Variants in MTF2 observed in about 807,000 individuals in gnomAD.
The protein encoded by MTF2 is metal response element binding transcription factor 2, also known as metal-response element-binding transcription factor 2.
MTF2 carries 11 observed loss-of-function variants against 79.5 expected under a neutral mutation model. That is an observed-to-expected ratio of 0.14 (90% CI 0.09 to 0.23). The LOEUF (loss-of-function observed/expected upper bound fraction) is 0.23. Among genes scored for constraint, MTF2 ranks in the 10% least tolerant of loss-of-function variants. The pLI is 1.00. For missense variants in MTF2, 486 were observed against 711.2 expected, an observed-to-expected ratio of 0.68 and a Z score of 3.60; for synonymous variants, 208 against 232.8, an observed-to-expected ratio of 0.89 and a Z score of 0.97.
Position 93,079,290 on chromosome 1 carries a change from G to T in MTF2, c.-237G>T. 1 of 552,666 alleles carries T rather than the reference G, an allele frequency of 1.8e-6. No individual in the cohort carries two copies. Among genetic ancestry groups the T allele is most frequent in the Non-Finnish European group, 3.2e-6 (1 of 309,844 alleles). The allele number at this position is 552,666 out of a possible 1,614,324, so 34.2% of individuals were successfully genotyped here. ...CTCCCAGAATGCACCGGCAGTCCGC[G>T]GGAAACCAAAATGGCGAGGGGCTGT... On this transcript the variant is annotated 5_prime_UTR_variant, in exon 1 of 15. Coordinates refer to ENST00000370298, the MANE Select transcript of MTF2 (RefSeq NM_007358.4).
At position 93,138,779 on chromosome 1, in the gene MTF2, G is replaced by A. The variant is rs1168649167; in HGVS notation, c.*1752G>A. 2 of 152,056 alleles carry A rather than the reference G, an allele frequency of 1.3e-5. No homozygotes were observed. The highest frequency in any genetic ancestry group is 2.9e-5 in the Non-Finnish European group (2 of 67,978). The allele number at this position is 152,056 out of a possible 1,614,324, so 9.4% of individuals were successfully genotyped here. On this transcript the variant is annotated 3_prime_UTR_variant, in exon 15 of 15. Transcript: ENST00000370298. ...TTTTGAATGTTTGTTTATATCTAGG[G>A]GTAATGAAAAATGTAAATCCCGTGT...
intron 1 of MTF2, among the ~76,000 whole-genome samples, chr1:93,092,492 G>T (rs754416709): frequency 5.9e-5 from 9 of 152,000 alleles, no homozygotes; most frequent in Admixed American, 2.0e-4. Context: ...TGTTCCCTCC[G>T]CCCCTTCCCA....
In MTF2 at chr1:93,134,394, G is replaced by A. The variant is rs1337457270; in HGVS notation, c.1424+199G>A. The stretch of plus-strand genomic sequence containing the variant: ...TATTTTTGCTTTCTAGAGTACAAAT[G>A]TATTTTTCATGTTTGTGTGGAAATT... On this transcript the variant is annotated intron_variant, in intron 14 of 14. Coordinates refer to ENST00000370298, the MANE Select transcript of MTF2 (RefSeq NM_007358.4). 1.1e-5 allele frequency: 6 copies of A among 528,484 alleles called. No individual in the cohort carries two copies. In the East Asian group the frequency reaches 1.3e-4, roughly 11 times the overall value. The allele number at this position is 528,484 out of a possible 1,614,324, so 32.7% of individuals were successfully genotyped here.
intron 10 of MTF2, chr1:93,128,684 A>T (rs570587957): frequency 1.3e-5 from 2 of 151,776 alleles, no homozygotes; most frequent in African/African-American, 4.8e-5. Context: ...GACCATAGAG[A>T]CTAAAAGAAA....
intron 1 of MTF2, among the ~76,000 whole-genome samples, chr1:93,089,848 C>CT (rs1654996847): frequency 3.3e-5 from 2 of 60,820 alleles, no homozygotes; most frequent in South Asian, 9.5e-4. Flanking sequence ...GCTTGATTTT[C>CT]CTTTTTTTTT....
intron 1 of MTF2, among the ~76,000 whole-genome samples, chr1:93,090,509 A>C (rs1655032885): frequency 6.6e-6 from 1 of 151,700 alleles, no homozygotes; most frequent in Admixed American, 6.6e-5. Context: ...TGGCCTCCCA[A>C]AGTGCTGGGA....
chr1:93,099,721 A>T (rs1363527502), intron 1 of MTF2, among the ~76,000 whole-genome samples: 1 of 152,210 alleles, frequency 6.6e-6, no homozygotes, highest in Non-Finnish European at 1.5e-5. Context: ...TTCCAAGATG[A>T]CAAGAGCAAG....
At chr1:93,121,787 A>C in intron 9 of MTF2, 1 of 804,854 alleles carries the variant, frequency 1.2e-6, no homozygotes, top group Non-Finnish European at 1.5e-6. Flanking sequence ...TGATGTGTAC[A>C]TTTGATTTTT....
At chr1:93,088,678 G>A (rs922074851) in intron 1 of MTF2, among the ~76,000 whole-genome samples, 5 of 152,080 alleles carry the variant, frequency 3.3e-5, no homozygotes, top group African/African-American at 1.2e-4. Context: ...CAATTCTCAT[G>A]CTTCAGCCAC....
At chr1:93,132,502 G>A (rs990908524) in intron 11 of MTF2, among the ~76,000 whole-genome samples, 3 of 152,146 alleles carry the variant, frequency 2.0e-5, no homozygotes, top group Admixed American at 6.5e-5. Flanking sequence ...TTGTGTATAA[G>A]TTGTTCCTTT....
intron 1 of MTF2, among the ~76,000 whole-genome samples, chr1:93,105,906 C>G (rs1461665981): frequency 6.6e-6 from 1 of 152,146 alleles, no homozygotes; most frequent in Non-Finnish European, 1.5e-5. Flanking sequence ...AAACTCCTGA[C>G]CTCGTGATCT....
intron 11 of MTF2, among the ~76,000 whole-genome samples, chr1:93,133,225 C>A (rs898414676): frequency 2.0e-5 from 3 of 152,038 alleles, no homozygotes; most frequent in African/African-American, 7.2e-5. Context: ...TAAAGGCAGC[C>A]TTTATGACTA....
At chr1:93,091,557 T>A (rs774634370) in intron 1 of MTF2, among the ~76,000 whole-genome samples, 1 of 152,166 alleles carries the variant, frequency 6.6e-6, no homozygotes, top group South Asian at 2.1e-4. Flanking sequence ...ATACTTACCT[T>A]TCATGAACCA....
At position 93,087,390 on chromosome 1, in the gene MTF2, G is replaced by A. The variant is rs557971972; in HGVS notation, c.5+7859G>A. Among the ~76,000 whole-genome samples, 55 of 152,238 alleles carry A rather than the reference G, an allele frequency of 3.6e-4. 1 individual carries two copies. The East Asian group carries it at 0.011, about 29-fold the overall frequency. On this transcript the variant is annotated intron_variant, in intron 1 of 14. Coordinates refer to ENST00000370298, the MANE Select transcript of MTF2 (RefSeq NM_007358.4). Reference sequence around the variant, plus strand: ...AGTTCAAAACCAGCGTGACCAACACGGTAAAACCCCATCTCTACTAAAAAT... The same window carrying A: ...AGTTCAAAACCAGCGTGACCAACACAGTAAAACCCCATCTCTACTAAAAAT...
At position 93,134,165 on chromosome 1, in the gene MTF2, C is replaced by T; in HGVS notation, c.1394C>T (p.Thr465Ile). 1 of 1,612,346 alleles carries T rather than the reference C, an allele frequency of 6.2e-7. No individual in the cohort carries two copies. The highest frequency in any genetic ancestry group is 8.5e-7 in the Non-Finnish European group (1 of 1,178,636). The change falls in exon 14 of 15, where the codon ACT becomes ATT. Residue 465 changes from threonine (T) to isoleucine (I), a missense_variant. Around this residue, in one of 4 missense-constraint regions of MTF2, gnomAD observed 209 missense variants for 206.5 expected, o/e 1.01. Transcript: ENST00000370298. ...DFTGASSAKE[T>I]TSSSISRHYG... Reference sequence around the variant, plus strand: ...ACGGGTGCTTCCAGTGCAAAAGAAACTACCTCGTCTAGCATTTCCAGGCAT... The same window carrying T: ...ACGGGTGCTTCCAGTGCAAAAGAAATTACCTCGTCTAGCATTTCCAGGCAT...
intron 9 of MTF2, among the ~76,000 whole-genome samples, chr1:93,123,210 C>CTTTTTTTTT (rs749700655): frequency 1.1e-5 from 1 of 94,234 alleles, no homozygotes; most frequent in African/African-American, 3.9e-5. Flanking sequence ...TCAGCTCTTT[C>CTTTTTTTTT]TTTTTTTTTT....
intron 3 of MTF2, among the ~76,000 whole-genome samples, chr1:93,113,527 T>C (rs898482237): frequency 2.6e-5 from 4 of 152,018 alleles, no homozygotes; most frequent in African/African-American, 9.7e-5. Flanking sequence ...GAGAGTAGAG[T>C]AATAATGAAG....
Position 93,089,657 on chromosome 1 carries a change from A to G in MTF2, c.5+10126A>G, listed in dbSNP as rs1654989030. 2.0e-5 allele frequency among the ~76,000 whole-genome samples: 3 copies of G among 152,078 alleles called. No individual in the cohort carries two copies. The South Asian group carries it at 6.2e-4, about 31-fold the overall frequency. ...GCGTTTGAACTCCTGGGCCCAGGAT[A>G]TCTTCACACTTCAGCCTCCCAGGTA... On this transcript the variant is annotated intron_variant, in intron 1 of 14. Transcript: ENST00000370298.
At chr1:93,119,439 A>G (rs768070455) in intron 8 of MTF2, 38 bp downstream of exon 8, 5 of 1,462,954 alleles carry the variant, frequency 3.4e-6, no homozygotes, top group East Asian at 2.3e-5. Context: ...AAGAAAAGCC[A>G]TTTTCTTAAA....
Sources: allele counts gnomAD v4.1 joint callset (sites outside exome capture counted in the v4.1 genomes callset), GRCh38; gene constraint gnomAD v4.1.1; regional missense constraint gnomAD v4.1.1; transcripts MANE v1.5; gene names NCBI Gene and HGNC (gene_info 2026-07-23, HGNC 2026-07-21).